Variants in KLK5 observed in about 807,000 individuals in gnomAD.
The protein encoded by KLK5 is kallikrein-5.
Under a neutral mutation model 24.0 loss-of-function variants are expected in KLK5, and 18 were observed. The ratio of observed to expected loss-of-function variants is 0.75; its 90% confidence interval spans 0.52 to 1.11. The LOEUF (loss-of-function observed/expected upper bound fraction) is 1.11. Among genes scored for constraint, KLK5 ranks in the 50% most tolerant of loss-of-function variants. The probability of loss-of-function intolerance (pLI) is 0.00; values close to 1 mark genes in which losing one functional copy is unlikely to be tolerated. For missense variants in KLK5, 374 were observed against 379.2 expected (o/e 0.99, Z 0.11); for synonymous variants, 140 against 154.0 (o/e 0.91, Z 0.67).
intron 5 of KLK5, among the ~76,000 whole-genome samples, chr19:50,945,559 G>A (rs1025901147): frequency 1.3e-5 from 2 of 151,766 alleles, no homozygotes; most frequent in Non-Finnish European, 1.5e-5. Flanking sequence ...TTGGGAGGCC[G>A]AGGCAGGCAG....
At chr19:50,949,749 C>CCCCTCCCCA in intron 3 of KLK5, 106 bp downstream of exon 3, 1 of 695,080 alleles carries the variant, frequency 1.4e-6, no homozygotes, top group Non-Finnish European at 2.1e-6. Context: ...ACCCCACTTC[C>CCCCTCCCCA]CCGTCCCCAC....
intron 5 of KLK5, among the ~76,000 whole-genome samples, chr19:50,945,835 C>G (rs1327078280): frequency 9.3e-6 from 1 of 107,554 alleles, no homozygotes; most frequent in Non-Finnish European, 2.0e-5. Flanking sequence ...TATGTACATA[C>G]TACAATAATG....
At chr19:50,950,185 A>T in intron 2 of KLK5, 69 bp from the exon 3 acceptor site, 1 of 1,505,808 alleles carries the variant, frequency 6.6e-7, no homozygotes, top group East Asian at 2.3e-5. Context: ...TTTCAGACTC[A>T]AGAGGCCAGA....
chr19:50,945,937 C>T (rs2090629520), intron 5 of KLK5, among the ~76,000 whole-genome samples: 1 of 152,084 alleles, frequency 6.6e-6, no homozygotes, highest in Non-Finnish European at 1.5e-5. Context: ...TCTTGAACTC[C>T]TGAGCTCAAG....
chr19:50,949,791 A>AC (rs2090668504), intron 3 of KLK5, 64 bp downstream of exon 3: 10 of 72,260 alleles, frequency 1.4e-4, no homozygotes, highest in Admixed American at 4.8e-4. Context: ...CCCCACCCCC[A>AC]CTTCCCCACC....
At chr19:50,943,808 ATG>A (rs1379654913) in intron 5 of KLK5, 22 bp from the exon 6 acceptor site, 45 of 1,601,224 alleles carry the variant, frequency 2.8e-5, no homozygotes, top group Non-Finnish European at 3.8e-5. Context: ...AAAGGGGGGC[ATG>A]AGAGAGGCAG....
At chr19:50,946,568 T>G (rs1373656334) in intron 5 of KLK5, among the ~76,000 whole-genome samples, 1 of 151,530 alleles carries the variant, frequency 6.6e-6, no homozygotes, top group African/African-American at 2.4e-5. Context: ...TCTTTTCTTT[T>G]TTTTTTTTTG....
rs139835369 is a variant in KLK5 at position 50,944,888 on chromosome 19, C to G, written c.727-1102G>C. Reference sequence around the variant, plus strand: ...TTCCCCATACCTCCCTATAATTACCCTCCTATAATAATACTCACTGCTCTT... The same window carrying G: ...TTCCCCATACCTCCCTATAATTACCGTCCTATAATAATACTCACTGCTCTT... On this transcript the variant is annotated intron_variant, in intron 5 of 5. Coordinates refer to ENST00000336334, the MANE Select transcript of KLK5 (RefSeq NM_012427.5). Among the ~76,000 whole-genome samples the G allele has an allele frequency of 2.1e-4, 32 of 152,244 alleles. No individual in the cohort carries two copies. The East Asian group carries it at 6.0e-3, about 28-fold the overall frequency.
chr19:50,952,101 G>A (rs952621343), intron 2 of KLK5, among the ~76,000 whole-genome samples: 3 of 122,814 alleles, frequency 2.4e-5, no homozygotes, highest in African/African-American at 6.3e-5. Context: ...TCACATAATC[G>A]CCTGCAAGCA....
intron 5 of KLK5, among the ~76,000 whole-genome samples, chr19:50,944,716 G>A (rs767118788): frequency 5.9e-5 from 9 of 152,172 alleles, no homozygotes; most frequent in Non-Finnish European, 1.3e-4. Flanking sequence ...AGCACACTTG[G>A]CATCTATCCA....
intron 2 of KLK5, among the ~76,000 whole-genome samples, chr19:50,950,571 G>T (rs2090678194): frequency 1.3e-5 from 2 of 151,978 alleles, no homozygotes; most frequent in African/African-American, 4.8e-5. Flanking sequence ...CAGGGTCAGG[G>T]TTACATGTTA....
In KLK5 at chr19:50,950,025, C is replaced by G; in HGVS notation, c.165G>C (p.Gly55=). 1 of 1,613,634 alleles carries G rather than the reference C, an allele frequency of 6.2e-7. No individual in the cohort carries two copies. The highest frequency in any genetic ancestry group is 8.5e-7 in the Non-Finnish European group (1 of 1,179,918). The change falls in exon 3 of 6, where the codon GGG becomes GGC. Residue 55 remains glycine (G), a synonymous_variant. Coordinates refer to ENST00000336334, the MANE Select transcript of KLK5 (RefSeq NM_012427.5). ...TGCTGTCATCCGACCGGGCGTCTTCCCCGGCCCCAGCTCCCAGGTCCTGGT... is the reference window on the plus strand; with the variant it reads ...TGCTGTCATCCGACCGGGCGTCTTCGCCGGCCCCAGCTCCCAGGTCCTGGT... The part of the protein sequence containing the change: ...GSNQDLGAGA[G]EDARSDDSSS...
Position 50,947,054 on chromosome 19 carries a change from C to G in KLK5, c.726+1586G>C, listed in dbSNP as rs1328627078. 6.6e-6 allele frequency among the ~76,000 whole-genome samples: 1 copy of G among 152,118 alleles called. No homozygotes were observed. Among genetic ancestry groups the G allele is most frequent in the Non-Finnish European group, 1.5e-5 (1 of 68,020 alleles). The stretch of plus-strand genomic sequence containing the variant: ...TTCCTAACTACTGTTGAAACACACA[C>G]CCTGCTAATGAGAGCTTGTTAACTT... On this transcript the variant is annotated intron_variant, in intron 5 of 5. Coordinates refer to ENST00000336334, the MANE Select transcript of KLK5 (RefSeq NM_012427.5). This position sits in a 1 kb window ranked among gnomAD's most constrained non-coding sequence, Gnocchi z 8.7.
intron 3 of KLK5, 72 bp from the exon 4 acceptor site, chr19:50,949,187 C>T: frequency 1.3e-6 from 2 of 1,497,796 alleles, no homozygotes; most frequent in South Asian, 1.3e-5. Context: ...CCCAACCCCA[C>T]ACCCAGCCCC....
intron 5 of KLK5, 133 bp from the exon 6 acceptor site, chr19:50,943,919 A>C: frequency 4.9e-6 from 3 of 614,538 alleles, no homozygotes; most frequent in South Asian, 5.1e-5. Flanking sequence ...GAAAGTACAG[A>C]GATGAAGAAA....
In KLK5 at chr19:50,945,042, TCC is replaced by T. The variant is rs1244060574; in HGVS notation, c.727-1258_727-1257del. Reference sequence around the variant, plus strand: ...TCTCCTTCCTTCCTTCCTTTCTTTCTCCTTCCTTCCTTTCTTTCTCCTTCCTT... The same window carrying T: ...TCTCCTTCCTTCCTTCCTTTCTTTCTTTCCTTCCTTTCTTTCTCCTTCCTT... On this transcript the variant is annotated intron_variant, in intron 5 of 5. Transcript: ENST00000336334. Among the ~76,000 whole-genome samples the T allele has an allele frequency of 7.2e-5, 9 of 124,190 alleles. No individual in the cohort carries two copies. The East Asian group carries it at 5.6e-3, about 78-fold the overall frequency. 81.5% of individuals were successfully genotyped at this position (124,190 alleles called of 152,430 possible).
intron 5 of KLK5, among the ~76,000 whole-genome samples, chr19:50,944,841 A>T (rs2090616732): frequency 6.6e-6 from 1 of 151,954 alleles, no homozygotes; most frequent in African/African-American, 2.4e-5. Context: ...CGCTTGGACT[A>T]ATTTGTGTTT....
intron 5 of KLK5, among the ~76,000 whole-genome samples, chr19:50,944,460 C>T (rs1018573346): frequency 6.6e-6 from 1 of 152,176 alleles, no homozygotes; most frequent in African/African-American, 2.4e-5. Context: ...CTGTCTCCCT[C>T]ATCGTGTATC....
intron 3 of KLK5, 129 bp downstream of exon 3, chr19:50,949,726 C>G: frequency 1.7e-6 from 1 of 583,286 alleles, no homozygotes; most frequent in Non-Finnish European, 2.6e-6. Context: ...CCTCACCTTC[C>G]ATGACACCCC....
Sources: gnomAD v4.1 joint callset for allele counts (sites outside exome capture counted in the v4.1 genomes callset) on GRCh38, gnomAD v4.1.1 for gene constraint, Gnocchi (gnomAD v3.1) non-coding constraint, MANE v1.5 for transcripts, NCBI Gene and HGNC (gene_info 2026-07-23, HGNC 2026-07-21) for gene names.